The following UXS1 variants were observed in gnomAD, a reference collection of about 807,000 sequenced individuals.
UXS1 encodes UDP-glucuronic acid decarboxylase 1.
A neutral mutation model predicts 62.6 loss-of-function variants in UXS1; 33 were observed. The ratio of observed to expected loss-of-function variants is 0.53; its 90% CI spans 0.40 to 0.70. UXS1 has a LOEUF of 0.70. Among genes scored for constraint, UXS1 ranks in the 30% least tolerant of loss-of-function variants. The pLI is 0.00. For synonymous variants in UXS1, 213 were observed against 206.8 expected, an observed-to-expected ratio of 1.03 and a Z score of -0.26; for missense variants, 434 against 556.3, an observed-to-expected ratio of 0.78 and a Z score of 2.21.
chr2:106,145,442 G>T, intron 5 of UXS1, 72 bp from the exon 6 acceptor site: 1 of 1,487,450 alleles, frequency 6.7e-7, no homozygotes, highest in East Asian at 2.4e-5. Flanking sequence ...CCAGCTCCAC[G>T]GAGAGACATC....
chr2:106,185,139 T>C (rs1260596493), intron 1 of UXS1, among the ~76,000 whole-genome samples: 1 of 152,126 alleles, frequency 6.6e-6, no homozygotes, highest in East Asian at 1.9e-4. Flanking sequence ...TTCCATCACT[T>C]TCACCTTCAA....
chr2:106,110,043 A>G (rs1200561262), intron 10 of UXS1, among the ~76,000 whole-genome samples: 1 of 152,216 alleles, frequency 6.6e-6, no homozygotes, highest in African/African-American at 2.4e-5. Flanking sequence ...CCACAGAGCC[A>G]TCTGACAAGA....
chr2:106,131,574 GCCT>G (rs1680480208), intron 6 of UXS1, among the ~76,000 whole-genome samples: 1 of 2,158 alleles, frequency 4.6e-4, no homozygotes. Context: ...CGGGCAGACT[GCCT>G]CCTCAAGTGG....
intron 7 of UXS1, among the ~76,000 whole-genome samples, chr2:106,128,981 A>T (rs141455293): frequency 5.0e-4 from 76 of 152,356 alleles, no homozygotes; most frequent in African/African-American, 1.5e-3. Flanking sequence ...CAAATAATCA[A>T]AACCCCTGGA....
chr2:106,175,836 A>C (rs1683843067), intron 1 of UXS1, among the ~76,000 whole-genome samples: 1 of 152,186 alleles, frequency 6.6e-6, no homozygotes, highest in Admixed American at 6.5e-5. Flanking sequence ...CTGATCCACC[A>C]AGCCCATGGG....
chr2:106,115,265 G>C (rs1042668560), intron 9 of UXS1, among the ~76,000 whole-genome samples: 3 of 152,146 alleles, frequency 2.0e-5, no homozygotes, highest in Admixed American at 2.0e-4. Context: ...GAAAACCCAG[G>C]AAGTACACAC....
chr2:106,153,138 G>T (rs1176030103), intron 5 of UXS1, among the ~76,000 whole-genome samples: 1 of 152,118 alleles, frequency 6.6e-6, no homozygotes. Flanking sequence ...TCCGAGGCCA[G>T]CTTGTTTAAC....
intron 14 of UXS1, among the ~76,000 whole-genome samples, chr2:106,094,726 T>C (rs1242449595): frequency 6.6e-6 from 1 of 152,186 alleles, no homozygotes; most frequent in Non-Finnish European, 1.5e-5. Context: ...GCAACCTTCA[T>C]CTGAAGCTGC....
chr2:106,124,309 C>G (rs1173125896), intron 8 of UXS1, among the ~76,000 whole-genome samples: 1 of 152,242 alleles, frequency 6.6e-6, no homozygotes, highest in Admixed American at 6.5e-5. Context: ...GTACGCCCAT[C>G]TGTCCCTGGA....
At chr2:106,145,159 TG>T (rs1681462139) in intron 6 of UXS1, 30 bp downstream of exon 6, 2 of 1,601,106 alleles carry the variant, frequency 1.2e-6, no homozygotes, top group Non-Finnish European at 1.7e-6. Flanking sequence ...TGCGGAGCTC[TG>T]AATAATAACA....
chr2:106,122,825 A>C (rs942367516), intron 9 of UXS1, 145 bp downstream of exon 9: 2 of 1,039,242 alleles, frequency 1.9e-6, no homozygotes, highest in African/African-American at 3.3e-5. Flanking sequence ...TAATACCATT[A>C]ATTTATAATA....
intron 10 of UXS1, among the ~76,000 whole-genome samples, chr2:106,109,667 ACATGATTC>A (rs1678416768): frequency 6.6e-6 from 1 of 152,208 alleles, no homozygotes; most frequent in African/African-American, 2.4e-5. Flanking sequence ...ACTTTGCTGA[ACATGATTC>A]CACTTAAAAT....
At chr2:106,183,431 T>C (rs1684370107) in intron 1 of UXS1, 1 of 152,220 alleles carries the variant, frequency 6.6e-6, no homozygotes, top group African/African-American at 2.4e-5. Flanking sequence ...CCAGACTCCC[T>C]CTGAAAAAGA....
chr2:106,141,877 G>GT (rs931939222), intron 6 of UXS1, among the ~76,000 whole-genome samples: 311 of 135,596 alleles, frequency 2.3e-3, no homozygotes, highest in Admixed American at 4.6e-3. Context: ...TTTTTTTTTG[G>GT]TTTTTTTTTT....
At position 106,194,206 on chromosome 2, in the gene UXS1, G is replaced by T; in HGVS notation, c.36C>A (p.Ala12=). ...GCAGCTTCATCCTCCTGCGGTTGAC[G>T]GCAGACACGAGGCGCAGCAGCGCCT... is the stretch of plus-strand genomic sequence containing the variant. ...VSKALLRLVS[A]VNRRRMKLLL... The change falls in exon 1 of 15, where the codon GCC becomes GCA. Residue 12 remains alanine, a synonymous_variant. Coordinates refer to ENST00000283148, the MANE Select transcript of UXS1 (RefSeq NM_001253875.2). 1 of 1,472,808 alleles carries T rather than the reference G, an allele frequency of 6.8e-7. No homozygotes were observed. The highest frequency in any genetic ancestry group is 9.0e-7 in the Non-Finnish European group (1 of 1,109,748). The allele number at this position is 1,472,808 out of a possible 1,614,324, so 91.2% of individuals were successfully genotyped here.
At chr2:106,097,517 A>T (rs1303497092) in intron 13 of UXS1, 2 of 301,248 alleles carry the variant, frequency 6.6e-6, no homozygotes, top group Admixed American at 3.9e-5. Context: ...TCTGTCACAA[A>T]GCTATATACA....
intron 10 of UXS1, among the ~76,000 whole-genome samples, chr2:106,105,838 GTGTACCTCCC>G (rs1419536353): frequency 6.6e-6 from 1 of 152,214 alleles, no homozygotes; most frequent in Non-Finnish European, 1.5e-5. Flanking sequence ...TTGTTTGCTT[GTGTACCTCCC>G]TGTGGTGGAA....
In UXS1 at chr2:106,101,144, G is replaced by C. The variant is rs563980369; in HGVS notation, c.924-26C>G. 205 of 1,613,122 alleles carry C rather than the reference G, an allele frequency of 1.3e-4. 2 individuals are homozygous for C. The highest frequency in any genetic ancestry group is 1.2e-3 in the South Asian group (112 of 91,028). On this transcript the variant is annotated intron_variant, in intron 11 of 14. Transcript: ENST00000283148. Reference sequence around the variant, plus strand: ...CTGGAAAAAAAGGGGAGGCAGGTGAGGCTCTGCCTGCTGGAATATGCTAGT... The same window carrying C: ...CTGGAAAAAAAGGGGAGGCAGGTGACGCTCTGCCTGCTGGAATATGCTAGT...
At chr2:106,099,949 T>A (rs1468532392) in intron 12 of UXS1, among the ~76,000 whole-genome samples, 2 of 152,198 alleles carry the variant, frequency 1.3e-5, no homozygotes, top group Non-Finnish European at 2.9e-5. Context: ...CAGGGAAAAA[T>A]GCATGGTCTG....
Sources: allele counts gnomAD v4.1 joint callset (sites outside exome capture counted in the v4.1 genomes callset), GRCh38; gene constraint gnomAD v4.1.1; transcripts MANE v1.5; gene names NCBI Gene and HGNC (gene_info 2026-07-23, HGNC 2026-07-21).